IRF3: variants seen among roughly 807,000 people sequenced by gnomAD.
IRF3 encodes interferon regulatory factor 3.
IRF3 carries 29 observed loss-of-function variants against 43.2 expected under a neutral mutation model. The observed-to-expected ratio is 0.67, with a 90% CI of 0.50 to 0.91. The LOEUF is 0.91. IRF3 is among the 40% of genes least tolerant of loss of function. The probability of loss-of-function intolerance (pLI) is 0.00; values close to 1 mark genes in which losing one functional copy is unlikely to be tolerated. For missense variants in IRF3, 505 were observed against 559.1 expected (o/e 0.90, Z 0.98); for synonymous variants, 228 against 233.9 (o/e 0.97, Z 0.23).
At chr19:49,664,637 G>A in intron 2 of IRF3, 37 bp downstream of exon 2, 1 of 1,609,222 alleles carries the variant, frequency 6.2e-7, no homozygotes, top group South Asian at 1.1e-5. Flanking sequence ...CCAGCGCGCA[G>A]CTCCGGGTTT....
At position 49,661,238 on chromosome 19, in the gene IRF3, CCT is replaced by C. The variant is rs1286861248; in HGVS notation, c.983-412_983-411del. Among the ~76,000 whole-genome samples, 4 of 152,350 alleles carry C rather than the reference CCT, an allele frequency of 2.6e-5. No homozygotes were observed. In the East Asian group the frequency reaches 7.7e-4, roughly 29 times the overall value. ...TCACGTCCTGGTTGCACTCGCCTCA[CCT>C]GAGTGCTTGGCCCCTGTGGCTAGTG... On this transcript the variant is annotated intron_variant, in intron 6 of 7. Transcript: ENST00000377139.
rs1341279132 is a variant in IRF3 at position 49,662,174 on chromosome 19, C to G, written c.756G>C (p.Leu252=). 5 of 1,614,060 alleles carry G rather than the reference C, an allele frequency of 3.1e-6. No individual in the cohort carries two copies. The African/African-American group carries it at 5.3e-5, about 17-fold the overall frequency. ...CGTAGCTCATCACTCCCCTGTCTGT[C>G]AGGGACATGCCAGGGTCTGGCAGTG... The part of the protein sequence containing the change: ...PVTLPDPGMS[L]TDRGVMSYVR... The change falls in exon 6 of 8, where the codon CTG becomes CTC. Residue 252 remains leucine (L), a synonymous_variant. Transcript: ENST00000377139.
chr19:49,659,984 TACACACACACAC>T (rs5828408), intron 7 of IRF3, 151 bp from the exon 8 acceptor site: 7,710 of 323,794 alleles, frequency 0.024, 146 homozygotes, highest in South Asian at 0.054. Context: ...GTTGTAGTTT[TACACACACACAC>T]ACACACACAC....
intron 1 of IRF3, 80 bp from the exon 2 acceptor site, chr19:49,664,926 C>T: frequency 7.0e-7 from 1 of 1,431,938 alleles, no homozygotes; most frequent in African/African-American, 1.4e-5. Context: ...CCCAGACCTC[C>T]TTCTCACGGG....
In IRF3 at chr19:49,664,632, G is replaced by A. The variant is rs370463135; in HGVS notation, c.165+42C>T. 1.8e-4 allele frequency: 289 copies of A among 1,608,974 alleles called. 1 individual carries two copies. In the African/African-American group the frequency reaches 3.3e-3, roughly 18 times the overall value. ...CCACTAGGAGTCCTTTCCGCCCAGC[G>A]CGCAGCTCCGGGTTTCCAGCGTCCC... On this transcript the variant is annotated intron_variant, in intron 2 of 7. Transcript: ENST00000377139.
Position 49,662,116 on chromosome 19 carries a change from G to T in IRF3, c.814C>A (p.Leu272Met). Residue 272 changes from leucine to methionine, a missense_variant, in exon 6 of 8, where the codon CTG (leucine) becomes ATG (methionine). Transcript: ENST00000377139. ...RHVLSCLGGGLALWRAGQWLW... is the reference protein window; with the variant it reads ...RHVLSCLGGGMALWRAGQWLW... The stretch of plus-strand genomic sequence containing the variant: ...CACTGCCCGGCCCGCCAGAGAGCCA[G>T]TCCCCCACCCAGGCAGCTCAGCACA... 1 of 1,613,810 alleles carries T rather than the reference G, an allele frequency of 6.2e-7. No homozygotes were observed.
chr19:49,662,686 GT>G, intron 4 of IRF3, 69 bp from the exon 5 acceptor site: 1 of 1,296,226 alleles, frequency 7.7e-7, no homozygotes, highest in Non-Finnish European at 1.1e-6. Context: ...TATGGACCAG[GT>G]CTGTTCTCAG....
At chr19:49,663,656 C>T (rs1392121614) in intron 2 of IRF3, 142 bp from the exon 3 acceptor site, 1 of 730,946 alleles carries the variant, frequency 1.4e-6, no homozygotes, top group East Asian at 2.7e-5. Context: ...CCAAATCCCC[C>T]CGTCCCACCT....
At chr19:49,662,361 A>G (rs990564043) in intron 5 of IRF3, 33 bp from the exon 6 acceptor site, 4 of 1,608,348 alleles carry the variant, frequency 2.5e-6, no homozygotes, top group Non-Finnish European at 3.4e-6. Context: ...TGAAGGGGAG[A>G]GGGGTTGAGA....
chr19:49,664,682 T>C lies in IRF3; in HGVS notation c.157A>G (p.Ile53Val), dbSNP rs1287628711. 4.3e-6 allele frequency: 7 copies of C among 1,613,404 alleles called. No individual in the cohort carries two copies. The highest frequency in any genetic ancestry group is 2.7e-5 in the African/African-American group (2 of 74,922). Residue 53 changes from isoleucine (I) to valine (V), a missense_variant, in exon 2 of 8, where the codon ATC becomes GTC. Physicochemically the swap from Ile to Val is conservative, Grantham distance 29. Transcript: ENST00000377139. ...CAGGTCGTCGCACGCACCTGGAAGA[T>C]TCCGAAATCCTCCTGCTGTGCATCC... is the stretch of plus-strand genomic sequence containing the variant. Reference protein sequence around the residue: ...RQDAQQEDFGIFQAWAEATGA... With the variant: ...RQDAQQEDFGVFQAWAEATGA...
intron 7 of IRF3, 142 bp downstream of exon 7, chr19:49,660,571 G>A (rs113614104): frequency 8.1e-5 from 66 of 816,928 alleles, no homozygotes; most frequent in African/African-American, 3.6e-4. Context: ...AGGAGCTCCC[G>A]GGGATGAAAA....
rs1206887522 is a variant in IRF3 at position 49,661,976 on chromosome 19, G to A, written c.954C>T (p.Gly318=). The A allele has an allele frequency of 1.3e-5, 21 of 1,612,768 alleles. No homozygotes were observed. Among genetic ancestry groups the A allele is most frequent in the Admixed American group, 1.7e-5 (1 of 59,934 alleles). Residue 318 remains glycine (G), a synonymous_variant, in exon 6 of 8, where the codon GGC becomes GGT. Transcript: ENST00000377139. ...CAATGAAGGGCCCCAGGTCAAACAC[G>A]CCTCCTTCCTTGTCCTTGGGGACCT... ...DGEVPKDKEG[G]VFDLGPFIVD...
At position 49,662,087 on chromosome 19, in the gene IRF3, G is replaced by A. The variant is rs747571313; in HGVS notation, c.843C>T (p.Leu281=). 1.4e-5 allele frequency: 23 copies of A among 1,613,648 alleles called. No homozygotes were observed. Among genetic ancestry groups the A allele is most frequent in the East Asian group, 6.7e-5 (3 of 44,884 alleles). Residue 281 remains leucine, a synonymous_variant, in exon 6 of 8, where the codon CTC becomes CTT. Coordinates refer to ENST00000377139, the MANE Select transcript of IRF3 (RefSeq NM_001571.6). ...GGCAGTGCCCCAGCCGCTGGGCCCA[G>A]AGCCACTGCCCGGCCCGCCAGAGAG... The part of the protein sequence containing the change: ...GLALWRAGQW[L]WAQRLGHCHT...
At position 49,665,811 on chromosome 19, in the gene IRF3, G is replaced by A; in HGVS notation, c.-189C>T. 3 of 1,579,862 alleles carry A rather than the reference G, an allele frequency of 1.9e-6. No individual in the cohort carries two copies. In the East Asian group the frequency reaches 6.8e-5, roughly 36 times the overall value. On this transcript the variant is annotated 5_prime_UTR_variant, in exon 1 of 8. Coordinates refer to ENST00000377139, the MANE Select transcript of IRF3 (RefSeq NM_001571.6). Reference sequence around the variant, plus strand: ...CAACTTTATCATTCTTTGGGTAACAGACCCAAAAGCCGATGGGACGGCCCG... The same window carrying A: ...CAACTTTATCATTCTTTGGGTAACAAACCCAAAAGCCGATGGGACGGCCCG...
chr19:49,663,566 T>C (rs1018797138), intron 2 of IRF3, 52 bp from the exon 3 acceptor site: 4 of 1,578,280 alleles, frequency 2.5e-6, no homozygotes, highest in African/African-American at 2.7e-5. Flanking sequence ...TAGATCCTGC[T>C]CCTGGGGCCC....
Position 49,664,747 on chromosome 19 carries a change from C to T in IRF3, c.92G>A (p.Arg31His), listed in dbSNP as rs1021169823. The change falls in exon 2 of 8, where the codon CGC becomes CAC. Residue 31 changes from arginine (R) to histidine (H), a missense_variant. Transcript: ENST00000377139. ...LEGVAWVNKSRTRFRIPWKHG... is the reference protein window; with the variant it reads ...LEGVAWVNKSHTRFRIPWKHG... ...CTTCCAAGGGATGCGGAAGCGCGTG[C>T]GGCTCTTGTTCACCCAGGCCACGCC... 1.9e-6 allele frequency: 3 copies of T among 1,613,942 alleles called. No homozygotes were observed. The highest frequency in any genetic ancestry group is 2.7e-5 in the African/African-American group (2 of 74,938).
intron 4 of IRF3, 93 bp from the exon 5 acceptor site, chr19:49,662,710 G>A: frequency 2.8e-6 from 3 of 1,074,996 alleles, no homozygotes; most frequent in Non-Finnish European, 2.7e-6. Context: ...ACGCAGGGAG[G>A]TCAGGCTTGA....
In IRF3 at chr19:49,659,577, G is replaced by A. The variant is rs1408209291; in HGVS notation, c.*71C>T. 1 of 1,549,658 alleles carries A rather than the reference G, an allele frequency of 6.5e-7. No homozygotes were observed. The highest frequency in any genetic ancestry group is 1.7e-4 in the Middle Eastern group (1 of 5,928). On this transcript the variant is annotated 3_prime_UTR_variant, in exon 8 of 8. Transcript: ENST00000377139. Reference sequence around the variant, plus strand: ...CACCAGACACGCACAAGTGATCATAGCAGGAACCAGTTTATTGGTTGAGGT... The same window carrying A: ...CACCAGACACGCACAAGTGATCATAACAGGAACCAGTTTATTGGTTGAGGT...
In IRF3 at chr19:49,662,219, C is replaced by T. The variant is rs376377408; in HGVS notation, c.711G>A (p.Thr237=). 4.3e-6 allele frequency: 7 copies of T among 1,613,976 alleles called. No individual in the cohort carries two copies. Among genetic ancestry groups the T allele is most frequent in the African/African-American group, 4.0e-5 (3 of 75,080 alleles). ...GCAGTGTGACTGGCCATCCAGGCAG[C>T]GTCCTGTCTCCCACTTCGGACCCCA... ...RLVGSEVGDR[T]LPGWPVTLPD... The change falls in exon 6 of 8, where the codon ACG becomes ACA. Residue 237 remains threonine, a synonymous_variant. Coordinates refer to ENST00000377139, the MANE Select transcript of IRF3 (RefSeq NM_001571.6).
Sources: gnomAD v4.1 joint callset for allele counts (sites outside exome capture counted in the v4.1 genomes callset) on GRCh38, gnomAD v4.1.1 for gene constraint, MANE v1.5 for transcripts, NCBI Gene and HGNC (gene_info 2026-07-23, HGNC 2026-07-21) for gene names.